GRIP1: variants seen among roughly 807,000 people sequenced by gnomAD.
GRIP1 encodes glutamate receptor interacting protein 1.
Under a neutral mutation model 129.9 loss-of-function variants are expected in GRIP1, and 45 were observed. The observed-to-expected ratio is 0.35, with a 90% CI of 0.27 to 0.44. The LOEUF (loss-of-function observed/expected upper bound fraction) is 0.44. GRIP1 is among the 20% of genes least tolerant of loss of function. GRIP1 has a pLI of 1.00. For synonymous variants in GRIP1, 530 were observed against 520.8 expected (o/e 1.02, Z -0.24); for missense variants, 1,196 against 1,396.8 (o/e 0.86, Z 2.29).
intron 2 of GRIP1, among the ~76,000 whole-genome samples, chr12:66,555,383 CA>C (rs903855650): frequency 7.2e-5 from 11 of 152,056 alleles, no homozygotes; most frequent in Non-Finnish European, 1.6e-4. Flanking sequence ...CTGCAGTGAC[CA>C]AAAAATTAGA....
intron 1 of GRIP1, among the ~76,000 whole-genome samples, chr12:66,797,770 G>A (rs1015791805): frequency 4.6e-5 from 7 of 152,118 alleles, no homozygotes; most frequent in Non-Finnish European, 5.9e-5. Flanking sequence ...ACAACCCTGA[G>A]AGGAGCCTCT....
intron 1 of GRIP1, among the ~76,000 whole-genome samples, chr12:66,857,708 C>T (rs188854380): frequency 6.6e-6 from 1 of 152,058 alleles, no homozygotes; most frequent in Admixed American, 6.6e-5. Flanking sequence ...CTTCAAGGAG[C>T]TCATTTTGAG....
chr12:66,938,299 C>T (rs2041520488), intron 1 of GRIP1, among the ~76,000 whole-genome samples: 1 of 151,978 alleles, frequency 6.6e-6, no homozygotes, highest in Non-Finnish European at 1.5e-5. Flanking sequence ...TTGCTTGAAC[C>T]CGGGAGGTGA....
At chr12:66,472,827 C>G (rs1182651550) in intron 7 of GRIP1, among the ~76,000 whole-genome samples, 1 of 152,230 alleles carries the variant, frequency 6.6e-6, no homozygotes, top group Non-Finnish European at 1.5e-5. Flanking sequence ...TCTTCATAAC[C>G]TGCAGACAAG....
chr12:66,521,172 C>T (rs1642330302), intron 5 of GRIP1, among the ~76,000 whole-genome samples: 1 of 152,198 alleles, frequency 6.6e-6, no homozygotes, highest in African/African-American at 2.4e-5. Context: ...GTCTTAAATT[C>T]ACTGGACTGT....
Position 67,065,638 on chromosome 12 carries a change from T to A in GRIP1, c.58+3412A>T, listed in dbSNP as rs562660871. 7.9e-5 allele frequency among the ~76,000 whole-genome samples: 12 copies of A among 152,322 alleles called. 1 individual carries two copies. In the South Asian group the frequency reaches 2.5e-3, roughly 32 times the overall value. The stretch of plus-strand genomic sequence containing the variant: ...AAAGTATGTTTGCAGAAACAGATAA[T>A]CTTTCCAAGCATTATGGTTGATTTT... On this transcript the variant is annotated intron_variant, in intron 1 of 1. Coordinates refer to the GRIP1 transcript ENST00000643019.
rs5798843 is a variant in GRIP1, at chr12:66,896,480, G to GAAAAAAAAAAA, written c.58+172559_58+172569dup. 2.7e-3 allele frequency among the ~76,000 whole-genome samples: 294 copies of GAAAAAAAAAAA among 107,806 alleles called. 12 individuals are homozygous for GAAAAAAAAAAA. The highest frequency in any genetic ancestry group is 0.016 in the East Asian group (54 of 3,374). 70.7% of individuals were successfully genotyped at this position (107,806 alleles called of 152,430 possible). A position where few individuals can be genotyped will look rare whatever the true frequency, so the allele number is the denominator to read the frequency against. On this transcript the variant is annotated intron_variant, in intron 1 of 1. Transcript: ENST00000643019. ...TGAGAATATTACCTCTGAGGAATTT[G>GAAAAAAAAAAA]AAAAAAAAAAAAAAAACTTTGGTGG...
At chr12:66,350,252 CT>C (rs2054161715) in intron 24 of GRIP1, among the ~76,000 whole-genome samples, 1 of 152,048 alleles carries the variant, frequency 6.6e-6, no homozygotes, top group Non-Finnish European at 1.5e-5. Context: ...TATCGCAGTA[CT>C]TTGGGAGGCT....
At position 67,052,985 on chromosome 12, in the gene GRIP1, G is replaced by A. The variant is rs138358206; in HGVS notation, c.58+16065C>T. Among the ~76,000 whole-genome samples the A allele has an allele frequency of 4.8e-3, 730 of 152,236 alleles. 5 individuals are homozygous for A. The highest frequency in any genetic ancestry group is 0.017 in the African/African-American group (695 of 41,540). On this transcript the variant is annotated intron_variant, in intron 1 of 1. Coordinates refer to the GRIP1 transcript ENST00000643019. ...CTCTATCCTAAAATCAAGCTTCCTAGATTGTTTTCCCATAACAGAAGGAAA... is the reference window on the plus strand; with the variant it reads ...CTCTATCCTAAAATCAAGCTTCCTAAATTGTTTTCCCATAACAGAAGGAAA...
chr12:66,657,335 T>C (rs17102790), intron 1 of GRIP1, among the ~76,000 whole-genome samples: 21,667 of 152,044 alleles, frequency 0.14, 1,574 homozygotes, highest in East Asian at 0.17. Context: ...CCAGGTGAGG[T>C]TGAACCACTT....
chr12:66,935,861 A>G (rs1370021362), intron 1 of GRIP1, among the ~76,000 whole-genome samples: 1 of 152,128 alleles, frequency 6.6e-6, no homozygotes, highest in African/African-American at 2.4e-5. Flanking sequence ...ATTGGCCAAC[A>G]CTCAGTTATT....
chr12:66,605,023 A>G (rs1323790257), intron 1 of GRIP1, among the ~76,000 whole-genome samples: 2 of 148,616 alleles, frequency 1.3e-5, no homozygotes, highest in Non-Finnish European at 3.0e-5. Context: ...TTTTTTTTTA[A>G]CTAATGAATA....
chr12:66,679,450 A>C (rs2034495274), upstream of GRIP1, among the ~76,000 whole-genome samples: 1 of 76,044 alleles, frequency 1.3e-5, no homozygotes, highest in East Asian at 3.2e-4. Context: ...CAACCAAAAA[A>C]AAAAAAAAAA....
At chr12:66,629,271 TG>T (rs2030468179) in intron 1 of GRIP1, among the ~76,000 whole-genome samples, 1 of 152,242 alleles carries the variant, frequency 6.6e-6, no homozygotes, top group Non-Finnish European at 1.5e-5. Context: ...TGAGCCTGGC[TG>T]GAGCAGTCCC....
chr12:66,833,972 C>T (rs1242419104), intron 1 of GRIP1, among the ~76,000 whole-genome samples: 1 of 151,968 alleles, frequency 6.6e-6, no homozygotes, highest in Non-Finnish European at 1.5e-5. Context: ...GAGTTTGAGA[C>T]CAGGCTGACC....
At chr12:67,066,357 C>T (rs985337920) in intron 1 of GRIP1, among the ~76,000 whole-genome samples, 4 of 152,030 alleles carry the variant, frequency 2.6e-5, no homozygotes, top group South Asian at 2.1e-4. Context: ...TTCAAATATG[C>T]GGTCCTCAAA....
intron 15 of GRIP1, among the ~76,000 whole-genome samples, chr12:66,406,797 GAT>G (rs2057208053): frequency 6.6e-6 from 1 of 152,172 alleles, no homozygotes; most frequent in Admixed American, 6.6e-5. Context: ...TGGTAGTCCA[GAT>G]ACTAGGAGAG....
chr12:66,861,716 A>G (rs1209056062), intron 1 of GRIP1, among the ~76,000 whole-genome samples: 2 of 152,058 alleles, frequency 1.3e-5, no homozygotes, highest in East Asian at 3.9e-4. Flanking sequence ...AGCACCTCTC[A>G]CAAACAACAA....
Position 67,028,726 on chromosome 12 carries a change from A to T in GRIP1, c.58+40324T>A, listed in dbSNP as rs142529499. Among the ~76,000 whole-genome samples, 662 of 152,308 alleles carry T rather than the reference A, an allele frequency of 4.3e-3. 7 individuals carry two copies. Among genetic ancestry groups the T allele is most frequent in the African/African-American group, 0.015 (618 of 41,564 alleles). On this transcript the variant is annotated intron_variant, in intron 1 of 1. Transcript: ENST00000643019. ...TAATAGATCTCAAAATCAGACAGCAAGGAGTACTCAGGGGAATCCCTGTGG... is the reference window on the plus strand; with the variant it reads ...TAATAGATCTCAAAATCAGACAGCATGGAGTACTCAGGGGAATCCCTGTGG...
Sources: allele counts gnomAD v4.1 joint callset (sites outside exome capture counted in the v4.1 genomes callset), GRCh38; gene constraint gnomAD v4.1.1; transcripts MANE v1.5; gene names NCBI Gene and HGNC (gene_info 2026-07-23, HGNC 2026-07-21).